The following RPS6KA4 variants were observed in gnomAD, a reference collection of about 807,000 sequenced individuals.
The protein encoded by RPS6KA4 is ribosomal protein S6 kinase A4, also known as ribosomal protein S6 kinase alpha-4.
RPS6KA4 carries 38 observed loss-of-function variants against 89.6 expected under a neutral mutation model. The observed-to-expected ratio is 0.42, with a 90% CI of 0.33 to 0.56. The LOEUF (loss-of-function observed/expected upper bound fraction) is 0.56. RPS6KA4 is among the 20% of genes least tolerant of loss of function. The probability of loss-of-function intolerance (pLI) is 0.07; values close to 1 mark genes in which losing one functional copy is unlikely to be tolerated. For synonymous variants in RPS6KA4, 495 were observed against 492.8 expected (o/e 1.00, Z -0.06); for missense variants, 873 against 1,098.8 (o/e 0.79, Z 2.90).
At chr11:64,369,401 C>A (rs751093569) in intron 12 of RPS6KA4, 45 bp from the exon 13 acceptor site, 30 of 1,513,060 alleles carry the variant, frequency 2.0e-5, no homozygotes, top group Non-Finnish European at 2.6e-5. Context: ...AGGGGGCTTG[C>A]CGCCGTGGGT....
intron 10 of RPS6KA4, 84 bp downstream of exon 10, chr11:64,368,344 C>A: frequency 1.3e-6 from 2 of 1,553,938 alleles, no homozygotes; most frequent in South Asian, 2.3e-5. Flanking sequence ...ATCCAACTGG[C>A]GCCCGCAGCG....
chr11:64,361,067 C>T lies in RPS6KA4; in HGVS notation c.463-67C>T. 1 of 1,382,992 alleles carries T rather than the reference C, an allele frequency of 7.2e-7. No individual in the cohort carries two copies. Among genetic ancestry groups the T allele is most frequent in the South Asian group, 1.2e-5 (1 of 81,218 alleles). The allele number at this position is 1,382,992 out of a possible 1,614,324, so 85.7% of individuals were successfully genotyped here. ...GGGGGTCTCCTTATCCTGAGCAGGG[C>T]CAGGAGCTGGAGGAGCTGGGGAGGG... is the stretch of plus-strand genomic sequence containing the variant. On this transcript the variant is annotated intron_variant, in intron 4 of 16. Transcript: ENST00000334205. This position sits in a 1 kb window ranked among gnomAD's most constrained non-coding sequence, Gnocchi z 4.7.
Position 64,370,937 on chromosome 11 carries a change from CTT to C in RPS6KA4, c.2121+212_2121+213del, listed in dbSNP as rs543591393. On this transcript the variant is annotated intron_variant, in intron 16 of 16. Coordinates refer to ENST00000334205, the MANE Select transcript of RPS6KA4 (RefSeq NM_003942.3). This position sits in a 1 kb window ranked among gnomAD's most constrained non-coding sequence, Gnocchi z 4.1. ...TGAACAACATGGTGAAACCCCGTCTCTTCTAAAAAGAGAAAAATTAGCCGGGT... is the reference window on the plus strand; with the variant it reads ...TGAACAACATGGTGAAACCCCGTCTCCTAAAAAGAGAAAAATTAGCCGGGT... Among the ~76,000 whole-genome samples, 19 of 152,082 alleles carry C rather than the reference CTT, an allele frequency of 1.2e-4. No individual in the cohort carries two copies. The South Asian group carries it at 3.9e-3, about 32-fold the overall frequency.
At position 64,359,381 on chromosome 11, in the gene RPS6KA4, A is replaced by G. The variant is rs1488427053; in HGVS notation, c.59A>G (p.Asn20Ser). The G allele has an allele frequency of 1.2e-6, 2 of 1,613,364 alleles. No individual in the cohort carries two copies. Among genetic ancestry groups the G allele is most frequent in the Admixed American group, 1.7e-5 (1 of 59,980 alleles). ...CATTCGCCCCCTGTGCCCACAGCCA[A>G]CCTGACCGGGCACGAGGAGAAGGTG... The part of the protein sequence containing the change: ...CAVELRITEA[N>S]LTGHEEKVSV... The change falls in exon 2 of 17, where the codon AAC becomes AGC. Residue 20 changes from asparagine to serine, a missense_variant. This residue lies in a region of RPS6KA4 where 49 missense variants were observed against 51.9 expected (regional missense o/e 0.94). Transcript: ENST00000334205.
At chr11:64,368,650 C>T (rs1443003279) in intron 11 of RPS6KA4, 49 bp downstream of exon 11, 43 of 1,575,144 alleles carry the variant, frequency 2.7e-5, no homozygotes, top group Non-Finnish European at 3.6e-5. Context: ...GAGCGCTGTC[C>T]CGGGGGCGGG....
intron 8 of RPS6KA4, among the ~76,000 whole-genome samples, chr11:64,363,675 A>G (rs1242822555): frequency 1.4e-4 from 22 of 152,078 alleles, no homozygotes; most frequent in Admixed American, 5.9e-4. Flanking sequence ...TATTTTTAGT[A>G]GAGTCAGGGA....
In RPS6KA4 at chr11:64,371,381, C is replaced by T. The variant is rs753660457; in HGVS notation, c.2220C>T (p.Ala740=). The part of the protein sequence containing the change: ...RRKQKLRSAT[A]SRRGSPAPAN... ...AGCAGAAGCTGCGGAGCGCCACCGC[C>T]TCCCGCCGGGGCTCCCCTGCACCAG... Residue 740 remains alanine (A), a synonymous_variant, in exon 17 of 17, where the codon GCC becomes GCT. Transcript: ENST00000334205. 6.2e-7 allele frequency: 1 copy of T among 1,612,198 alleles called. No homozygotes were observed. Among genetic ancestry groups the T allele is most frequent in the South Asian group, 1.1e-5 (1 of 91,048 alleles).
chr11:64,370,774 A>T lies in RPS6KA4; in HGVS notation c.2121+48A>T, dbSNP rs2037044179. 1 of 1,473,710 alleles carries T rather than the reference A, an allele frequency of 6.8e-7. No individual in the cohort carries two copies. The allele number at this position is 1,473,710 out of a possible 1,614,324, so 91.3% of individuals were successfully genotyped here. ...GGGAAGGGGTGGGCGAAGCCTCGAG[A>T]GGTGGGGTCTGGGGAGGCCCGGCCA... On this transcript the variant is annotated intron_variant, in intron 16 of 16. Coordinates refer to ENST00000334205, the MANE Select transcript of RPS6KA4 (RefSeq NM_003942.3). This position sits in a 1 kb window ranked among gnomAD's most constrained non-coding sequence, Gnocchi z 4.1.
At chr11:64,366,166 C>A (rs617051) in intron 9 of RPS6KA4, among the ~76,000 whole-genome samples, 44,684 of 141,964 alleles carry the variant, frequency 0.31, 7,875 homozygotes, top group South Asian at 0.4. Context: ...TCCCCTCCAC[C>A]GAATTTTTTT....
In RPS6KA4 at chr11:64,361,957, G is replaced by C. The variant is rs761353665; in HGVS notation, c.861G>C (p.Ala287=). ...LCKDPKKRLG[A]GPQGAQEVRN... ...AGGATCCTAAGAAGCGATTGGGCGCGGGGCCCCAGGGGGCACAAGAAGTCC... is the reference window on the plus strand; with the variant it reads ...AGGATCCTAAGAAGCGATTGGGCGCCGGGCCCCAGGGGGCACAAGAAGTCC... The change falls in exon 8 of 17, where the codon GCG becomes GCC. Residue 287 remains alanine (A), a synonymous_variant. Transcript: ENST00000334205. This position sits in a 1 kb window ranked among gnomAD's most constrained non-coding sequence, Gnocchi z 4.7. The C allele has an allele frequency of 8.1e-6, 13 of 1,609,664 alleles. No homozygotes were observed. The highest frequency in any genetic ancestry group is 5.1e-5 in the Admixed American group (3 of 58,518).
In RPS6KA4 at chr11:64,370,477, G is replaced by A. The variant is rs2037031458; in HGVS notation, c.1958-86G>A. 6.2e-7 allele frequency: 1 copy of A among 1,603,174 alleles called. No individual in the cohort carries two copies. Among genetic ancestry groups the A allele is most frequent in the South Asian group, 1.1e-5 (1 of 90,746 alleles). The stretch of plus-strand genomic sequence containing the variant: ...CAGGTGTCCTGGTTGGGGATGGGTA[G>A]GGGAGGAGAGTGGGGCTGTTACGAT... On this transcript the variant is annotated intron_variant, in intron 15 of 16. Transcript: ENST00000334205. This position sits in a 1 kb window ranked among gnomAD's most constrained non-coding sequence, Gnocchi z 4.1.
chr11:64,368,413 C>T (rs985687308), intron 10 of RPS6KA4, 55 bp from the exon 11 acceptor site: 2 of 1,541,898 alleles, frequency 1.3e-6, no homozygotes, highest in Non-Finnish European at 1.7e-6. Context: ...CGCGGGGCTA[C>T]CAGGTGGGAC....
intron 2 of RPS6KA4, 196 bp downstream of exon 2, chr11:64,359,645 T>G: frequency 1.6e-6 from 1 of 606,870 alleles, no homozygotes; most frequent in Non-Finnish European, 2.9e-6. Context: ...ACATCACTCC[T>G]CCCTCCACGG....
At chr11:64,369,999 G>A (rs2037015323) in intron 14 of RPS6KA4, 106 bp downstream of exon 14, 1 of 1,270,610 alleles carries the variant, frequency 7.9e-7, no homozygotes, top group Non-Finnish European at 1.1e-6. Flanking sequence ...GGTGGGGGCG[G>A]CTGGGTTTCG....
Position 64,365,419 on chromosome 11 carries a change from A to G in RPS6KA4, c.1025A>G (p.Tyr342Cys). The part of the protein sequence containing the change: ...AEEFTRLEPV[Y>C]SPPGSPPPGD... The stretch of plus-strand genomic sequence containing the variant: ...GAATTCACTCGGCTGGAGCCTGTCT[A>G]CTCACCCCCTGGCAGCCCCCCACCT... Residue 342 changes from tyrosine to cysteine, a missense_variant, in exon 9 of 17, where the codon TAC becomes TGC. Tyr to Cys is a radical substitution (Grantham distance 194). Coordinates refer to ENST00000334205, the MANE Select transcript of RPS6KA4 (RefSeq NM_003942.3). 3 of 1,613,528 alleles carry G rather than the reference A, an allele frequency of 1.9e-6. 1 individual carries two copies. The South Asian group carries it at 3.3e-5, about 18-fold the overall frequency.
At position 64,360,337 on chromosome 11, in the gene RPS6KA4, T is replaced by A; in HGVS notation, c.302T>A (p.Leu101Gln). 1 of 1,549,768 alleles carries A rather than the reference T, an allele frequency of 6.5e-7. No homozygotes were observed. The highest frequency in any genetic ancestry group is 8.7e-7 in the Non-Finnish European group (1 of 1,146,628). The change falls in exon 3 of 17, where the codon CTG (leucine) becomes CAG (glutamine). Residue 101 changes from leucine to glutamine, a missense_variant. By Grantham distance (113) the Leu-to-Gln change is moderately radical. Transcript: ENST00000334205. ...LVRQAPFLVTLHYAFQTDAKL... is the reference protein window; with the variant it reads ...LVRQAPFLVTQHYAFQTDAKL... ...CGCCAGGCGCCCTTCCTGGTCACGC[T>A]GCACTACGCTTTCCAGACGGATGCC...
chr11:64,361,433 G>A lies in RPS6KA4; in HGVS notation c.571-36G>A. On this transcript the variant is annotated intron_variant, in intron 5 of 16. Coordinates refer to ENST00000334205, the MANE Select transcript of RPS6KA4 (RefSeq NM_003942.3). This position sits in a 1 kb window ranked among gnomAD's most constrained non-coding sequence, Gnocchi z 4.7. ...TGTGGGGCACTGGGGCACAGGAGAGGTTTCGACATCTAAGCAGGACCTCTT... is the reference window on the plus strand; with the variant it reads ...TGTGGGGCACTGGGGCACAGGAGAGATTTCGACATCTAAGCAGGACCTCTT... 1.2e-6 allele frequency: 2 copies of A among 1,611,812 alleles called. No individual in the cohort carries two copies. Among genetic ancestry groups the A allele is most frequent in the Non-Finnish European group, 8.5e-7 (1 of 1,178,346 alleles).
Position 64,370,194 on chromosome 11 carries a change from G to A in RPS6KA4, c.1798-31G>A. 2 of 1,513,604 alleles carry A rather than the reference G, an allele frequency of 1.3e-6. No homozygotes were observed. Among genetic ancestry groups the A allele is most frequent in the Non-Finnish European group, 1.8e-6 (2 of 1,135,202 alleles). 93.8% of individuals were successfully genotyped at this position (1,513,604 alleles called of 1,614,324 possible). On this transcript the variant is annotated intron_variant, in intron 14 of 16. Transcript: ENST00000334205. The surrounding 1 kb of genome is among the most constrained non-coding windows in gnomAD (Gnocchi z 4.1). The stretch of plus-strand genomic sequence containing the variant: ...GGGTCAGCCTCGGCACCCCAGCCTG[G>A]GCCGGCCTCACCTTCCCCTCACCCT...
At chr11:64,371,247 C>CG (rs1565075679) in intron 16 of RPS6KA4, 36 bp from the exon 17 acceptor site, 3 of 1,589,682 alleles carry the variant, frequency 1.9e-6, no homozygotes, top group Admixed American at 1.7e-5. Context: ...CGGGGTCAGG[C>CG]GGGGGTGGGG....
Sources: allele counts gnomAD v4.1 joint callset (sites outside exome capture counted in the v4.1 genomes callset), GRCh38; gene constraint gnomAD v4.1.1; regional missense constraint gnomAD v4.1.1; non-coding constraint Gnocchi (gnomAD v3.1); transcripts MANE v1.5; gene names NCBI Gene and HGNC (gene_info 2026-07-23, HGNC 2026-07-21).